Variants in GALNT17 observed in about 807,000 individuals in gnomAD.
GALNT17 encodes UDP-GalNAc:polypeptide N-acetylgalactosaminyltransferase-like 3.
A neutral mutation model predicts 63.7 loss-of-function variants in GALNT17; 29 were observed. That is an observed-to-expected ratio of 0.46 (90% CI 0.34 to 0.62). The LOEUF (loss-of-function observed/expected upper bound fraction) is 0.62. Among genes scored for constraint, GALNT17 ranks in the 20% least tolerant of loss-of-function variants. The pLI is 0.01. For synonymous variants in GALNT17, 305 were observed against 318.3 expected (o/e 0.96, Z 0.45); for missense variants, 603 against 799.6 (o/e 0.75, Z 2.97).
intron 6 of GALNT17, among the ~76,000 whole-genome samples, chr7:71,622,985 C>T (rs1230666061): frequency 6.6e-6 from 1 of 152,200 alleles, no homozygotes; most frequent in Admixed American, 6.5e-5. Context: ...TTATGCTCTT[C>T]AAGTTGTCAA....
Position 71,694,359 on chromosome 7 carries a change from A to ATTTT in GALNT17, c.1501-16389_1501-16386dup, listed in dbSNP as rs34576267. Among the ~76,000 whole-genome samples, 144 of 138,676 alleles carry ATTTT rather than the reference A, an allele frequency of 1.0e-3. 3 individuals are homozygous for ATTTT. The East Asian group carries it at 0.011, about 11-fold the overall frequency. 91.0% of individuals were successfully genotyped at this position (138,676 alleles called of 152,430 possible). ...TATGATGTAATCTATAATTATCCCA[A>ATTTT]TTTTTTTTTTTTTTTTGAGATGGAG... is the stretch of plus-strand genomic sequence containing the variant. On this transcript the variant is annotated intron_variant, in intron 9 of 10. Transcript: ENST00000333538.
At chr7:71,609,196 A>G (rs1043844573) in intron 6 of GALNT17, among the ~76,000 whole-genome samples, 5 of 151,928 alleles carry the variant, frequency 3.3e-5, no homozygotes, top group South Asian at 2.1e-4. Context: ...CCTTTTATCT[A>G]TTTCCCCGGC....
rs1300700022 is a variant in GALNT17 at position 71,476,662 on chromosome 7, CA to C, written c.962+55558del. Reference sequence around the variant, plus strand: ...AGGGGATATGTGGCAAGTCTGGAGACATTTTTGGTCATCGCAGCGGGGAGTG... The same window carrying C: ...AGGGGATATGTGGCAAGTCTGGAGACTTTTTGGTCATCGCAGCGGGGAGTG... On this transcript the variant is annotated intron_variant, in intron 5 of 10. Coordinates refer to ENST00000333538, the MANE Select transcript of GALNT17 (RefSeq NM_022479.3). 2.0e-5 allele frequency among the ~76,000 whole-genome samples: 3 copies of C among 152,176 alleles called. No individual in the cohort carries two copies. In the East Asian group the frequency reaches 5.8e-4, roughly 29 times the overall value.
intron 5 of GALNT17, among the ~76,000 whole-genome samples, chr7:71,480,500 GAC>G (rs2116640524): frequency 6.6e-6 from 1 of 151,638 alleles, no homozygotes; most frequent in Non-Finnish European, 1.5e-5. Flanking sequence ...GTGACTTGGT[GAC>G]ACATTACTGA....
chr7:71,706,197 A>G (rs1002180881), intron 9 of GALNT17, among the ~76,000 whole-genome samples: 1 of 152,112 alleles, frequency 6.6e-6, no homozygotes, highest in African/African-American at 2.4e-5. Context: ...ATGACCCAGT[A>G]TTTTCAGTGA....
chr7:71,408,063 T>C (rs907771376), intron 3 of GALNT17, among the ~76,000 whole-genome samples: 1 of 152,120 alleles, frequency 6.6e-6, no homozygotes, highest in Non-Finnish European at 1.5e-5. Flanking sequence ...ATTTTAAACA[T>C]GGTAAAAACA....
chr7:71,656,841 C>CGGA (rs1790835635), intron 6 of GALNT17, among the ~76,000 whole-genome samples: 1 of 152,062 alleles, frequency 6.6e-6, no homozygotes, highest in African/African-American at 2.4e-5. Context: ...ATTTGAGTGA[C>CGGA]GGAGGTCGTG....
intron 5 of GALNT17, among the ~76,000 whole-genome samples, chr7:71,550,597 T>G (rs1194167891): frequency 6.6e-6 from 1 of 152,148 alleles, no homozygotes; most frequent in East Asian, 1.9e-4. Context: ...GCCAGGCTAG[T>G]CTTGAACACC....
chr7:71,338,061 C>T (rs75055157), intron 2 of GALNT17, among the ~76,000 whole-genome samples: 6,504 of 151,930 alleles, frequency 0.043, 243 homozygotes, highest in East Asian at 0.1. Context: ...TTGCGAGGTG[C>T]GGTGGCCTGT....
chr7:71,227,225 A>ATGG (rs975011554), intron 1 of GALNT17, among the ~76,000 whole-genome samples: 2 of 148,166 alleles, frequency 1.3e-5, no homozygotes, highest in Non-Finnish European at 3.0e-5. Context: ...TTAGCTGGGC[A>ATGG]TGGTGGTATG....
intron 6 of GALNT17, among the ~76,000 whole-genome samples, chr7:71,627,478 C>T (rs1790390952): frequency 6.6e-6 from 1 of 152,164 alleles, no homozygotes; most frequent in African/African-American, 2.4e-5. Flanking sequence ...CAGAGCTTGC[C>T]ATGGCTGCCT....
chr7:71,522,108 T>C (rs960571823), intron 5 of GALNT17, among the ~76,000 whole-genome samples: 4 of 152,066 alleles, frequency 2.6e-5, no homozygotes, highest in Admixed American at 6.6e-5. Context: ...TGTGCAATAC[T>C]GTGGAGCCTG....
chr7:71,562,538 G>A (rs1446159545), intron 5 of GALNT17, among the ~76,000 whole-genome samples: 1 of 152,152 alleles, frequency 6.6e-6, no homozygotes, highest in African/African-American at 2.4e-5. Flanking sequence ...CTCATAAGCA[G>A]CTCTCAGCCT....
intron 1 of GALNT17, among the ~76,000 whole-genome samples, chr7:71,195,400 G>T (rs982847628): frequency 3.3e-5 from 5 of 149,792 alleles, no homozygotes; most frequent in African/African-American, 1.2e-4. Flanking sequence ...TTTTTTTGTA[G>T]AGATGGGGTC....
intron 6 of GALNT17, among the ~76,000 whole-genome samples, chr7:71,595,962 G>A (rs576440089): frequency 3.3e-5 from 5 of 152,288 alleles, no homozygotes; most frequent in Non-Finnish European, 7.4e-5. Flanking sequence ...GTTGGCAAAC[G>A]TGAGATTAAT....
At chr7:71,295,780 A>G (rs984473773) in intron 1 of GALNT17, among the ~76,000 whole-genome samples, 5 of 151,984 alleles carry the variant, frequency 3.3e-5, no homozygotes, top group African/African-American at 9.7e-5. Context: ...AAAAAATTAG[A>G]GATGGGGTCT....
chr7:71,252,185 A>G (rs1182989117), intron 1 of GALNT17, among the ~76,000 whole-genome samples: 1 of 150,648 alleles, frequency 6.6e-6, no homozygotes, highest in Non-Finnish European at 1.5e-5. Context: ...AAGTTTTATT[A>G]TAGGCTTGCA....
chr7:71,567,052 C>A (rs1404930020), intron 5 of GALNT17, among the ~76,000 whole-genome samples: 1 of 152,186 alleles, frequency 6.6e-6, no homozygotes, highest in Non-Finnish European at 1.5e-5. Context: ...AAAGCCACCC[C>A]TTCAGGAGAA....
chr7:71,251,566 C>T (rs1381183612), intron 1 of GALNT17, among the ~76,000 whole-genome samples: 1 of 152,092 alleles, frequency 6.6e-6, no homozygotes, highest in Non-Finnish European at 1.5e-5. Flanking sequence ...TGCACCACTG[C>T]ACCTAGCTAA....
Sources: allele counts gnomAD v4.1 joint callset (sites outside exome capture counted in the v4.1 genomes callset), GRCh38; gene constraint gnomAD v4.1.1; transcripts MANE v1.5; gene names NCBI Gene and HGNC (gene_info 2026-07-23, HGNC 2026-07-21).